KCNIP1: variants seen among roughly 807,000 people sequenced by gnomAD.
KCNIP1 encodes potassium voltage-gated channel interacting protein 1, also known as A-type potassium channel modulatory protein KCNIP1.
A neutral mutation model predicts 33.0 loss-of-function variants in KCNIP1; 18 were observed. The ratio of observed to expected loss-of-function variants is 0.55; its 90% CI spans 0.38 to 0.81. The LOEUF (loss-of-function observed/expected upper bound fraction) is 0.81. Among genes scored for constraint, KCNIP1 ranks in the 30% least tolerant of loss-of-function variants. KCNIP1 has a pLI of 0.00. For missense variants in KCNIP1, 238 were observed against 271.6 expected (o/e 0.88, Z 0.87); for synonymous variants, 93 against 98.3 (o/e 0.95, Z 0.32).
chr5:170,556,086 G>A (rs1222345931), intron 1 of KCNIP1, among the ~76,000 whole-genome samples: 1 of 152,146 alleles, frequency 6.6e-6, no homozygotes, highest in African/African-American at 2.4e-5. Flanking sequence ...ATATGTACGA[G>A]GCACGGGATT....
intron 1 of KCNIP1, among the ~76,000 whole-genome samples, chr5:170,469,476 T>C (rs1756676306): frequency 6.6e-6 from 1 of 152,204 alleles, no homozygotes; most frequent in Non-Finnish European, 1.5e-5. Context: ...CATCCCTCTC[T>C]CCCTTCCTCA....
intron 1 of KCNIP1, chr5:170,420,666 T>C (rs1437392431): frequency 6.6e-6 from 1 of 152,180 alleles, no homozygotes; most frequent in Non-Finnish European, 1.5e-5. Context: ...TTCTGGGGAA[T>C]CAAAGGTTAT....
chr5:170,547,305 T>G lies in KCNIP1; in HGVS notation c.61+42672T>G, dbSNP rs1756450026. On this transcript the variant is annotated intron_variant, in intron 1 of 7. Transcript: ENST00000328939. ...GTTTTATTTATAACTATCTAAGAGT[T>G]TACTAATTGTCTCCTTAGTTCTTTG... 1.3e-5 allele frequency among the ~76,000 whole-genome samples: 2 copies of G among 152,238 alleles called. 1 individual carries two copies. Among genetic ancestry groups the G allele is most frequent in the South Asian group, 4.1e-4 (2 of 4,836 alleles).
At chr5:170,691,870 C>T (rs901154170) in intron 1 of KCNIP1, among the ~76,000 whole-genome samples, 2 of 152,152 alleles carry the variant, frequency 1.3e-5, no homozygotes, top group African/African-American at 4.8e-5. Context: ...TCGAGATCCT[C>T]ACTCTCAGGA....
chr5:170,508,946 G>T (rs1216749223), intron 1 of KCNIP1, among the ~76,000 whole-genome samples: 1 of 152,118 alleles, frequency 6.6e-6, no homozygotes, highest in Non-Finnish European at 1.5e-5. Context: ...GGTTCTTGGG[G>T]GTAGGAGCTC....
At chr5:170,512,998 C>T (rs1361213360) in intron 1 of KCNIP1, among the ~76,000 whole-genome samples, 2 of 151,346 alleles carry the variant, frequency 1.3e-5, no homozygotes, top group Non-Finnish European at 2.9e-5. Context: ...TGCAGTGAGC[C>T]GAGATCGCGC....
intron 1 of KCNIP1, among the ~76,000 whole-genome samples, chr5:170,638,966 A>G (rs188419546): frequency 1.3e-3 from 197 of 152,302 alleles, no homozygotes; most frequent in Non-Finnish European, 2.4e-3. Context: ...AGGAGCCCCA[A>G]TTCCTCCGCA....
chr5:170,472,340 G>C (rs1756748971), intron 1 of KCNIP1, among the ~76,000 whole-genome samples: 1 of 152,220 alleles, frequency 6.6e-6, no homozygotes, highest in African/African-American at 2.4e-5. Flanking sequence ...GGCGGCGCCT[G>C]CCCCACAGTC....
intron 1 of KCNIP1, among the ~76,000 whole-genome samples, chr5:170,364,930 G>C (rs1318180540): frequency 6.6e-6 from 1 of 152,122 alleles, no homozygotes; most frequent in Non-Finnish European, 1.5e-5. Context: ...CAAATTTCAA[G>C]TATACAGTGC....
chr5:170,722,933 TG>T, intron 5 of KCNIP1, 113 bp downstream of exon 5: 1 of 680,956 alleles, frequency 1.5e-6, no homozygotes, highest in Middle Eastern at 3.9e-4. Flanking sequence ...GGCTCTGCTT[TG>T]GGGCTAACAG....
chr5:170,582,113 A>G (rs1046074141), intron 1 of KCNIP1, among the ~76,000 whole-genome samples: 1 of 152,170 alleles, frequency 6.6e-6, no homozygotes, highest in Non-Finnish European at 1.5e-5. Context: ...CACCCCCAAC[A>G]CTGAGGATCA....
upstream of KCNIP1, among the ~76,000 whole-genome samples, chr5:170,499,870 G>A (rs531797029): frequency 6.6e-6 from 1 of 152,204 alleles, no homozygotes; most frequent in Non-Finnish European, 1.5e-5. Context: ...CAACCTTAGA[G>A]GGGTTGCCTA....
intron 1 of KCNIP1, among the ~76,000 whole-genome samples, chr5:170,388,092 C>T (rs1412140674): frequency 6.6e-6 from 1 of 152,192 alleles, no homozygotes; most frequent in Non-Finnish European, 1.5e-5. Flanking sequence ...CCTGGGCACT[C>T]CTGAGGCTGG....
chr5:170,510,395 C>T lies in KCNIP1; in HGVS notation c.61+5762C>T, dbSNP rs116112668. ...GTAAGGATGGATGGGCCAGAGTGTG[C>T]GTTCTTGATGGCTCTGAGCGGTGTG... On this transcript the variant is annotated intron_variant, in intron 1 of 7. Coordinates refer to ENST00000328939, the MANE Select transcript of KCNIP1 (RefSeq NM_014592.4). 4.2e-3 allele frequency among the ~76,000 whole-genome samples: 644 copies of T among 152,262 alleles called. 4 individuals are homozygous for T. The highest frequency in any genetic ancestry group is 0.015 in the African/African-American group (611 of 41,554).
At chr5:170,700,672 T>C (rs1763062373) in intron 1 of KCNIP1, among the ~76,000 whole-genome samples, 1 of 152,228 alleles carries the variant, frequency 6.6e-6, no homozygotes, top group Non-Finnish European at 1.5e-5. Context: ...AAGCACTGGC[T>C]CTGGAGCCAG....
At chr5:170,384,983 A>G (rs868183308) in intron 1 of KCNIP1, among the ~76,000 whole-genome samples, 12 of 152,316 alleles carry the variant, frequency 7.9e-5, no homozygotes, top group Middle Eastern at 3.4e-3. Flanking sequence ...AACATCTGCA[A>G]TTCTCTGATT....
chr5:170,369,626 A>C (rs1256208583), intron 1 of KCNIP1, among the ~76,000 whole-genome samples: 1 of 152,216 alleles, frequency 6.6e-6, no homozygotes, highest in East Asian at 1.9e-4. Flanking sequence ...TGAGAATCTC[A>C]AAGGGTTCAA....
intron 1 of KCNIP1, among the ~76,000 whole-genome samples, chr5:170,551,975 T>C (rs1756662140): frequency 6.6e-6 from 1 of 151,166 alleles, no homozygotes; most frequent in South Asian, 2.1e-4. Flanking sequence ...TGTGTTTGAG[T>C]GTGTGAGCGT....
intron 1 of KCNIP1, among the ~76,000 whole-genome samples, chr5:170,635,218 C>T (rs571584049): frequency 4.8e-4 from 73 of 152,174 alleles, no homozygotes; most frequent in Non-Finnish European, 5.3e-4. Flanking sequence ...TTAGTAGAGA[C>T]GGGGTTTCAT....
Sources: allele counts gnomAD v4.1 joint callset (sites outside exome capture counted in the v4.1 genomes callset), GRCh38; gene constraint gnomAD v4.1.1; transcripts MANE v1.5; gene names NCBI Gene and HGNC (gene_info 2026-07-23, HGNC 2026-07-21).